The following SNF8 variants were observed in gnomAD, a reference collection of about 807,000 sequenced individuals.
SNF8 encodes the protein SNF8 subunit of ESCRT-II, also known as vacuolar-sorting protein SNF8.
Under a neutral mutation model 36.8 loss-of-function variants are expected in SNF8, and 19 were observed. The ratio of observed to expected loss-of-function variants is 0.52; its 90% CI spans 0.36 to 0.76. SNF8 has a LOEUF of 0.76. SNF8 is among the 30% of genes least tolerant of loss of function. The pLI is 0.00. For synonymous variants in SNF8, 127 were observed against 127.4 expected (o/e 1.00, Z 0.02); for missense variants, 268 against 322.9 (o/e 0.83, Z 1.30).
chr17:48,941,043 A>T lies in SNF8; in HGVS notation c.125T>A (p.Met42Lys). ...AAATTCCTCCAGGTTGGTCTTGAAC[A>T]TGTCCAACTGCTTTGACATCTGTTG... is the stretch of plus-strand genomic sequence containing the variant. ...QLAQMSKQLD[M>K]FKTNLEEFAS... The change falls in exon 3 of 8, where the codon ATG (methionine) becomes AAG (lysine). Residue 42 changes from methionine (M) to lysine (K), a missense_variant. Physicochemically the swap from Met to Lys is moderately conservative, Grantham distance 95. Transcript: ENST00000502492. 6.2e-7 allele frequency: 1 copy of T among 1,613,852 alleles called. No homozygotes were observed. Among genetic ancestry groups the T allele is most frequent in the Admixed American group, 1.7e-5 (1 of 59,966 alleles).
At chr17:48,938,465 CAGCCTGG>C (rs1483942798) in intron 3 of SNF8, among the ~76,000 whole-genome samples, 3 of 140,108 alleles carry the variant, frequency 2.1e-5, no homozygotes, top group Non-Finnish European at 3.0e-5. Context: ...CATTGCACTC[CAGCCTGG>C]GAATCAAGAG....
intron 2 of SNF8, among the ~76,000 whole-genome samples, chr17:48,942,235 T>C (rs4793996): frequency 0.41 from 62,547 of 151,098 alleles, 15,388 homozygotes; most frequent in East Asian, 0.71. Flanking sequence ...TTATTTCTCA[T>C]ATAAAACTGT....
chr17:48,930,252 T>C lies in SNF8; in HGVS notation c.*223A>G. ...GATGACCTACAAAAATCATTTTATA[T>C]GTGCTTGCCGTTCTCTGTGTTAATC... On this transcript the variant is annotated 3_prime_UTR_variant, in exon 8 of 8. Coordinates refer to ENST00000502492, the MANE Select transcript of SNF8 (RefSeq NM_007241.4). 2.5e-6 allele frequency: 1 copy of C among 396,976 alleles called. No homozygotes were observed. The allele number at this position is 396,976 out of a possible 1,614,324, so 24.6% of individuals were successfully genotyped here.
intron 6 of SNF8, chr17:48,932,207 C>T (rs55980913): frequency 0.13 from 20,264 of 152,324 alleles, 1,452 homozygotes; most frequent in African/African-American, 0.15. Flanking sequence ...GGTGACAGAG[C>T]GAGACTCCAT....
At chr17:48,942,864 T>G (rs968654934) in intron 2 of SNF8, among the ~76,000 whole-genome samples, 2 of 128,172 alleles carry the variant, frequency 1.6e-5, no homozygotes, top group African/African-American at 5.8e-5. Context: ...TTTTTTTTTT[T>G]TTTTTTTTTG....
chr17:48,937,517 C>G (rs1294796036), intron 3 of SNF8, among the ~76,000 whole-genome samples: 1 of 151,984 alleles, frequency 6.6e-6, no homozygotes, highest in Admixed American at 6.6e-5. Flanking sequence ...GTAATCCCAG[C>G]TACTTGGGAG....
intron 3 of SNF8, among the ~76,000 whole-genome samples, chr17:48,938,605 C>T (rs1480029837): frequency 1.3e-5 from 2 of 151,986 alleles, no homozygotes; most frequent in Admixed American, 6.6e-5. Context: ...AGCAGTGGCT[C>T]ACGCCTGTAA....
In SNF8 at chr17:48,943,958, T is replaced by G; in HGVS notation, c.72A>C (p.Arg24=). 6.2e-7 allele frequency: 1 copy of G among 1,613,956 alleles called. No individual in the cohort carries two copies. The highest frequency in any genetic ancestry group is 8.5e-7 in the Non-Finnish European group (1 of 1,179,896). Reference sequence around the variant, plus strand: ...GCTGGTCCTCAGCCAAGACCGTCCCTCGCTCCTTATACTTGGCCTGTCAGA... The same window carrying G: ...GCTGGTCCTCAGCCAAGACCGTCCCGCGCTCCTTATACTTGGCCTGTCAGA... ...KKLAEAKYKE[R]GTVLAEDQLA... is the part of the protein sequence containing the mutation. The change falls in exon 2 of 8, where the codon CGA becomes CGC. Residue 24 remains arginine (R), a synonymous_variant. Coordinates refer to ENST00000502492, the MANE Select transcript of SNF8 (RefSeq NM_007241.4).
intron 6 of SNF8, 123 bp from the exon 7 acceptor site, chr17:48,931,840 A>G (rs1598083131): frequency 4.3e-6 from 3 of 702,164 alleles, no homozygotes; most frequent in Non-Finnish European, 2.4e-6. Context: ...ATGAGAGAAC[A>G]CAGAAAATGT....
intron 2 of SNF8, among the ~76,000 whole-genome samples, chr17:48,943,678 T>C (rs953619086): frequency 3.3e-5 from 5 of 152,080 alleles, no homozygotes; most frequent in Non-Finnish European, 5.9e-5. Flanking sequence ...GTAATGAGGA[T>C]TGAACAAGAC....
intron 4 of SNF8, 124 bp from the exon 5 acceptor site, chr17:48,936,366 A>G: frequency 1.5e-6 from 1 of 680,636 alleles, no homozygotes; most frequent in Non-Finnish European, 2.6e-6. Flanking sequence ...TTTTTTTTTA[A>G]CACTCTCCTT....
At chr17:48,931,054 T>C (rs1054068535) in intron 7 of SNF8, among the ~76,000 whole-genome samples, 2 of 152,170 alleles carry the variant, frequency 1.3e-5, no homozygotes, top group Admixed American at 1.3e-4. Context: ...GGAAATAATA[T>C]GCTCAAAATG....
In SNF8 at chr17:48,936,182, T is replaced by TGGGC. The variant is rs1268594046; in HGVS notation, c.406_409dup (p.Gln137ArgfsTer8). The TGGGC allele has an allele frequency of 6.2e-7, 1 of 1,613,706 alleles. No homozygotes were observed. The highest frequency in any genetic ancestry group is 1.7e-5 in the Admixed American group (1 of 59,996). On this transcript the variant is annotated frameshift_variant, in exon 5 of 8. Coordinates refer to ENST00000502492, the MANE Select transcript of SNF8 (RefSeq NM_007241.4). LOFTEE classifies it high-confidence loss of function. ...AGACAAGACCTACTGACTGACATCC[T>TGGGC]GGGCGAACTTGCCCCTTCCCTTCAA... is the stretch of plus-strand genomic sequence containing the variant.
chr17:48,939,074 T>C (rs1177384979), intron 3 of SNF8, among the ~76,000 whole-genome samples: 1 of 150,276 alleles, frequency 6.7e-6, no homozygotes, highest in Non-Finnish European at 1.5e-5. Flanking sequence ...CCGGCCAAGA[T>C]GGTGAAACTC....
Position 48,930,623 on chromosome 17 carries a change from A to T in SNF8, c.640-11T>A. 1 of 1,612,154 alleles carries T rather than the reference A, an allele frequency of 6.2e-7. No homozygotes were observed. The highest frequency in any genetic ancestry group is 1.7e-4 in the Middle Eastern group (1 of 6,042). ...CTTCAGCAGGTGTTCCTGGAGGGAA[A>T]AGGGAAGAAGAGCAGTTTGAGAACA... On this transcript the variant is annotated splice_polypyrimidine_tract_variant and intron_variant, in intron 7 of 7. Coordinates refer to ENST00000502492, the MANE Select transcript of SNF8 (RefSeq NM_007241.4).
At chr17:48,933,418 T>C (rs2040889175) in intron 5 of SNF8, 72 bp from the exon 6 acceptor site, 1 of 1,548,324 alleles carries the variant, frequency 6.5e-7, no homozygotes. Flanking sequence ...AGCTCTGCCC[T>C]GGGCAGGATA....
At position 48,931,635 on chromosome 17, in the gene SNF8, T is replaced by C; in HGVS notation, c.639+8A>G. 6.2e-7 allele frequency: 1 copy of C among 1,612,240 alleles called. No individual in the cohort carries two copies. The highest frequency in any genetic ancestry group is 1.1e-5 in the South Asian group (1 of 90,694). The stretch of plus-strand genomic sequence containing the variant: ...CTGTCTTTTCTGGACTGTTCCAAAG[T>C]TGCATACCAGCACTTGCCGCGCTCG... On this transcript the variant is annotated splice_region_variant and intron_variant, in intron 7 of 7. Transcript: ENST00000502492.
In SNF8 at chr17:48,936,187, G is replaced by T. The variant is rs769649861; in HGVS notation, c.405C>A (p.Phe135Leu). The T allele has an allele frequency of 1.9e-6, 3 of 1,613,832 alleles. No homozygotes were observed. The highest frequency in any genetic ancestry group is 2.5e-6 in the Non-Finnish European group (3 of 1,179,758). The change falls in exon 5 of 8, where the codon TTC (phenylalanine) becomes TTA (leucine). Residue 135 changes from phenylalanine (F) to leucine (L), a missense_variant. Coordinates refer to ENST00000502492, the MANE Select transcript of SNF8 (RefSeq NM_007241.4). ...AGACCTACTGACTGACATCCTGGGC[G>T]AACTTGCCCCTTCCCTTCAACACCT... is the stretch of plus-strand genomic sequence containing the variant. ...HQQVLKGRGKFAQDVSQDDLI... is the reference protein window; with the variant it reads ...HQQVLKGRGKLAQDVSQDDLI...
intron 2 of SNF8, among the ~76,000 whole-genome samples, chr17:48,941,683 C>T (rs1003472215): frequency 8.3e-6 from 1 of 119,814 alleles, no homozygotes; most frequent in Admixed American, 8.4e-5. Flanking sequence ...CTCAATCAAT[C>T]AATATTTTTT....
Sources: gnomAD v4.1 joint callset for allele counts (sites outside exome capture counted in the v4.1 genomes callset) on GRCh38, gnomAD v4.1.1 for gene constraint, MANE v1.5 for transcripts, NCBI Gene and HGNC (gene_info 2026-07-23, HGNC 2026-07-21) for gene names.